Variants in USP25 observed in about 807,000 individuals in gnomAD.
USP25 encodes ubiquitin specific peptidase 25.
In USP25, 85 loss-of-function variants were observed where a neutral mutation model predicts 158.5. The observed-to-expected ratio is 0.54, with a 90% CI of 0.45 to 0.64. The LOEUF (loss-of-function observed/expected upper bound fraction) is 0.64. Ranked by LOEUF, USP25 falls within the 30% of genes least tolerant of loss-of-function variation. USP25 has a pLI of 0.00. For synonymous variants in USP25, 464 were observed against 460.4 expected (o/e 1.01, Z -0.10); for missense variants, 1,242 against 1,327.3 (o/e 0.94, Z 1.00).
intron 22 of USP25, among the ~76,000 whole-genome samples, chr21:15,868,109 A>G (rs994261521): frequency 1.3e-5 from 2 of 152,324 alleles, no homozygotes; most frequent in Middle Eastern, 3.4e-3. Flanking sequence ...TCTGGGAAAT[A>G]AATAAAATTT....
chr21:15,737,802 C>G (rs1002801358), intron 1 of USP25, among the ~76,000 whole-genome samples: 1 of 150,272 alleles, frequency 6.7e-6, no homozygotes, highest in African/African-American at 2.4e-5. Flanking sequence ...ATCCAAAATG[C>G]TTGGGACCAG....
chr21:15,818,587 G>A, intron 9 of USP25, 111 bp from the exon 10 acceptor site: 2 of 895,440 alleles, frequency 2.2e-6, no homozygotes, highest in Non-Finnish European at 3.3e-6. Context: ...TCTCAGGAAT[G>A]AAATCAGTCA....
In USP25 at chr21:15,831,383, T is replaced by G. The variant is rs1226760337; in HGVS notation, c.1765-18T>G. The G allele has an allele frequency of 1.9e-6, 3 of 1,612,070 alleles. No homozygotes were observed. The African/African-American group carries it at 4.0e-5, about 22-fold the overall frequency. ...AACTACATAATTGCAGTTTAACTCT[T>G]CTTTTTTTCACATTTAGGTTCCTTA... On this transcript the variant is annotated intron_variant, in intron 15 of 25. Coordinates refer to ENST00000400183, the MANE Select transcript of USP25 (RefSeq NM_001283041.3).
At chr21:15,871,487 A>G (rs1482014288) in intron 23 of USP25, among the ~76,000 whole-genome samples, 1 of 152,228 alleles carries the variant, frequency 6.6e-6, no homozygotes, top group African/African-American at 2.4e-5. Flanking sequence ...TGTCAAGGTC[A>G]CACAGCTAAC....
intron 20 of USP25, 98 bp downstream of exon 20, chr21:15,849,970 T>G: frequency 1.0e-6 from 1 of 981,022 alleles, no homozygotes; most frequent in Admixed American, 3.3e-5. Context: ...TTCTGTATAA[T>G]TTCTCTTTTC....
At chr21:15,748,091 C>A (rs2032704943) in intron 1 of USP25, among the ~76,000 whole-genome samples, 1 of 152,172 alleles carries the variant, frequency 6.6e-6, no homozygotes, top group African/African-American at 2.4e-5. Flanking sequence ...AAGTTTCATT[C>A]CACTTGGGTT....
intron 1 of USP25, among the ~76,000 whole-genome samples, chr21:15,737,040 A>G (rs931396519): frequency 6.6e-6 from 1 of 151,896 alleles, no homozygotes; most frequent in Non-Finnish European, 1.5e-5. Context: ...GGTCCTGCCT[A>G]GGATTTTTCG....
chr21:15,806,318 G>A (rs529579582), intron 7 of USP25, among the ~76,000 whole-genome samples: 4 of 151,436 alleles, frequency 2.6e-5, no homozygotes, highest in Admixed American at 2.0e-4. Flanking sequence ...AGTATGCATA[G>A]TATCTTTTCC....
At chr21:15,782,473 G>A (rs568645525) in intron 4 of USP25, among the ~76,000 whole-genome samples, 2 of 152,326 alleles carry the variant, frequency 1.3e-5, no homozygotes, top group South Asian at 4.1e-4. Flanking sequence ...CAGCCCAGCA[G>A]TAACCCTGCT....
At chr21:15,820,452 C>G (rs1223008558) in intron 10 of USP25, among the ~76,000 whole-genome samples, 1 of 151,384 alleles carries the variant, frequency 6.6e-6, no homozygotes, top group Non-Finnish European at 1.5e-5. Flanking sequence ...GTTTTTTCAT[C>G]TAGCCTAGGG....
intron 4 of USP25, among the ~76,000 whole-genome samples, chr21:15,790,187 T>G (rs573183157): frequency 6.6e-6 from 1 of 152,194 alleles, no homozygotes; most frequent in South Asian, 2.1e-4. Context: ...TGTCTTTTCG[T>G]GAAACAAGCC....
chr21:15,805,463 A>G (rs1010153330), intron 7 of USP25: 1 of 399,980 alleles, frequency 2.5e-6, no homozygotes, highest in Non-Finnish European at 4.2e-6. Context: ...TTATATTATG[A>G]TTGAAATGAA....
At chr21:15,862,437 A>G (rs374056598) in intron 20 of USP25, among the ~76,000 whole-genome samples, 2 of 152,212 alleles carry the variant, frequency 1.3e-5, no homozygotes, top group East Asian at 3.9e-4. Context: ...GATTAGGGAT[A>G]CTCAACCTGT....
chr21:15,840,258 T>C (rs2038266939), intron 17 of USP25, among the ~76,000 whole-genome samples: 2 of 152,192 alleles, frequency 1.3e-5, no homozygotes, highest in South Asian at 4.1e-4. Context: ...CTCAAGTATG[T>C]GTATTGGGTC....
At chr21:15,840,439 C>G (rs1322214248) in intron 17 of USP25, among the ~76,000 whole-genome samples, 5 of 152,020 alleles carry the variant, frequency 3.3e-5, no homozygotes, top group African/African-American at 1.2e-4. Flanking sequence ...GAAAATGGCA[C>G]AGGTTCAATA....
At chr21:15,852,392 T>C (rs1216889414) in intron 20 of USP25, among the ~76,000 whole-genome samples, 1 of 152,142 alleles carries the variant, frequency 6.6e-6, no homozygotes, top group Non-Finnish European at 1.5e-5. Context: ...GGGCAAATTA[T>C]TCAATCTTTG....
intron 5 of USP25, among the ~76,000 whole-genome samples, chr21:15,793,454 T>C (rs1187478125): frequency 1.4e-5 from 2 of 146,192 alleles, no homozygotes; most frequent in African/African-American, 5.1e-5. Context: ...TTAGCTTAGA[T>C]TTTTTTTTTT....
chr21:15,815,237 G>A (rs1253818031), intron 9 of USP25, among the ~76,000 whole-genome samples: 1 of 152,184 alleles, frequency 6.6e-6, no homozygotes, highest in African/African-American at 2.4e-5. Flanking sequence ...GTATAGAAAT[G>A]CCTGGATGTC....
rs140628302 is a variant in USP25 at position 15,824,971 on chromosome 21, T to C, written c.1214T>C (p.Met405Thr). 9 of 1,606,724 alleles carry C rather than the reference T, an allele frequency of 5.6e-6. No individual in the cohort carries two copies. The highest frequency in any genetic ancestry group is 1.7e-5 in the Admixed American group (1 of 59,166). ...FPQVLYLDRY[M>T]HRNREITRIK... Reference sequence around the variant, plus strand: ...TGATTACCTTTTTCTGATAGATACATGCACAGAAACAGAGAAATAACAAGA... The same window carrying C: ...TGATTACCTTTTTCTGATAGATACACGCACAGAAACAGAGAAATAACAAGA... Residue 405 changes from methionine to threonine, a missense_variant, in exon 12 of 26, where the codon ATG (methionine) becomes ACG (threonine). Physicochemically the swap from Met to Thr is moderately conservative, Grantham distance 81. Transcript: ENST00000400183.
Sources: allele counts gnomAD v4.1 joint callset (sites outside exome capture counted in the v4.1 genomes callset), GRCh38; gene constraint gnomAD v4.1.1; transcripts MANE v1.5; gene names NCBI Gene and HGNC (gene_info 2026-07-23, HGNC 2026-07-21).